The following KHDRBS2 variants were observed in gnomAD, a reference collection of about 807,000 sequenced individuals.
The protein encoded by KHDRBS2 is KH domain-containing, RNA-binding, signal transduction-associated protein 2.
Under a neutral mutation model 44.3 loss-of-function variants are expected in KHDRBS2, and 26 were observed. The observed-to-expected ratio is 0.59, with a 90% CI of 0.43 to 0.81. KHDRBS2 has a LOEUF of 0.81. Ranked by LOEUF, KHDRBS2 falls within the 40% of genes least tolerant of loss-of-function variation. KHDRBS2 has a pLI of 0.00. For synonymous variants in KHDRBS2, 194 were observed against 151.1 expected (o/e 1.28, Z -2.08); for missense variants, 476 against 433.1 (o/e 1.10, Z -0.88).
intron 6 of KHDRBS2, among the ~76,000 whole-genome samples, chr6:61,737,754 C>T (rs1211397290): frequency 1.3e-5 from 2 of 152,056 alleles, no homozygotes; most frequent in East Asian, 1.9e-4. Context: ...ATCCTGAATC[C>T]TAATAAGATT....
intron 3 of KHDRBS2, among the ~76,000 whole-genome samples, chr6:61,980,087 T>C (rs374610066): frequency 1.3e-5 from 2 of 152,134 alleles, no homozygotes; most frequent in East Asian, 3.9e-4. Context: ...CAGCAGTTAA[T>C]TGACCCTACT....
the KHDRBS2 span, among the ~76,000 whole-genome samples, chr6:61,621,533 C>T: frequency 6.6e-6 from 1 of 152,118 alleles, no homozygotes; most frequent in Admixed American, 6.5e-5. Flanking sequence ...GCTCCGGAGA[C>T]ATTTAAATAC....
chr6:61,858,068 T>C (rs1000214632), intron 6 of KHDRBS2, among the ~76,000 whole-genome samples: 6 of 152,080 alleles, frequency 3.9e-5, no homozygotes, highest in South Asian at 2.1e-4. Context: ...ATTGACATCA[T>C]GGTATAGATT....
chr6:61,998,831 A>C (rs534244202), intron 3 of KHDRBS2, among the ~76,000 whole-genome samples: 1 of 152,188 alleles, frequency 6.6e-6, no homozygotes, highest in South Asian at 2.1e-4. Flanking sequence ...TGCTTCAAAC[A>C]TTGACCTTGA....
chr6:61,544,485 A>G, the KHDRBS2 span, among the ~76,000 whole-genome samples: 6 of 152,168 alleles, frequency 3.9e-5, no homozygotes, highest in Admixed American at 1.3e-4. Context: ...CAAATAGCAA[A>G]TAAATAATAA....
chr6:62,229,087 T>G (rs569753370), intron 1 of KHDRBS2, among the ~76,000 whole-genome samples: 40 of 152,240 alleles, frequency 2.6e-4, no homozygotes, highest in Non-Finnish European at 5.7e-4. Context: ...CTGCCTGAAT[T>G]CCTCAGAATT....
intron 8 of KHDRBS2, among the ~76,000 whole-genome samples, chr6:61,695,484 A>G (rs990806865): frequency 3.9e-5 from 6 of 152,146 alleles, no homozygotes; most frequent in African/African-American, 1.4e-4. Context: ...TACTTCTGCA[A>G]TTGCTAATCC....
intron 4 of KHDRBS2, among the ~76,000 whole-genome samples, chr6:61,914,423 A>G (rs1305665266): frequency 1.3e-5 from 2 of 149,818 alleles, no homozygotes; most frequent in Non-Finnish European, 3.0e-5. Context: ...AAAACCAAAC[A>G]CTGCATGTTC....
chr6:61,892,252 G>A (rs1217931577), intron 6 of KHDRBS2, among the ~76,000 whole-genome samples: 1 of 151,994 alleles, frequency 6.6e-6, no homozygotes, highest in African/African-American at 2.4e-5. Flanking sequence ...AAATAAAAGA[G>A]GATACAAACA....
intron 2 of KHDRBS2, among the ~76,000 whole-genome samples, chr6:62,086,774 A>G (rs530711012): frequency 4.6e-5 from 7 of 152,234 alleles, no homozygotes; most frequent in East Asian, 1.9e-4. Context: ...ACATGAGAGG[A>G]GTTTTTCTGA....
rs1795693595 is a variant in KHDRBS2 at position 61,853,133 on chromosome 6, T to C, written c.810+41502A>G. Among the ~76,000 whole-genome samples, 3 of 152,182 alleles carry C rather than the reference T, an allele frequency of 2.0e-5. No individual in the cohort carries two copies. In the South Asian group the frequency reaches 6.2e-4, roughly 31 times the overall value. ...ACATATTTGGCATCTGGTACCAATA[T>C]TTTCCTTGACCTTGGATTCAGCCCT... On this transcript the variant is annotated intron_variant, in intron 6 of 8. Transcript: ENST00000281156.
At chr6:61,636,400 G>C in the KHDRBS2 span, among the ~76,000 whole-genome samples, 1 of 152,018 alleles carries the variant, frequency 6.6e-6, no homozygotes, top group Non-Finnish European at 1.5e-5. Context: ...CTCTGTTCTT[G>C]AAATGCTCTC....
intron 2 of KHDRBS2, among the ~76,000 whole-genome samples, chr6:62,082,333 G>GTGTGTT (rs1212046180): frequency 1.8e-4 from 27 of 151,912 alleles, no homozygotes; most frequent in Non-Finnish European, 2.9e-5. Context: ...GTGTGTGTGT[G>GTGTGTT]TGTGTGAACA....
intron 1 of KHDRBS2, among the ~76,000 whole-genome samples, chr6:62,178,644 T>C (rs1307208631): frequency 6.6e-6 from 1 of 151,570 alleles, no homozygotes; most frequent in Non-Finnish European, 1.5e-5. Context: ...ACTACAGTCA[T>C]CTCATGCAAT....
At chr6:62,104,853 G>A (rs1178363676) in intron 2 of KHDRBS2, among the ~76,000 whole-genome samples, 1 of 152,004 alleles carries the variant, frequency 6.6e-6, no homozygotes, top group African/African-American at 2.4e-5. Context: ...TAACACAACA[G>A]TAGTTCTTAG....
intron 6 of KHDRBS2, among the ~76,000 whole-genome samples, chr6:61,797,767 G>GTA (rs1245327262): frequency 6.1e-5 from 9 of 147,038 alleles, no homozygotes; most frequent in African/African-American, 2.3e-4. Context: ...GTGTGTGTAT[G>GTA]TATATATATC....
At chr6:61,926,396 G>A (rs138679009) in intron 4 of KHDRBS2, among the ~76,000 whole-genome samples, 3 of 152,118 alleles carry the variant, frequency 2.0e-5, no homozygotes, top group African/African-American at 7.2e-5. Flanking sequence ...GGATTACAAA[G>A]GCTTTTTATC....
chr6:61,676,758 T>C (rs1765969089), downstream of KHDRBS2, among the ~76,000 whole-genome samples: 2 of 151,804 alleles, frequency 1.3e-5, no homozygotes, highest in South Asian at 4.1e-4. Flanking sequence ...AGAGGTCCTC[T>C]CTGTGTTCCA....
chr6:62,061,213 A>T (rs1298021533), intron 2 of KHDRBS2, among the ~76,000 whole-genome samples: 1 of 150,746 alleles, frequency 6.6e-6, no homozygotes, highest in East Asian at 2.0e-4. Flanking sequence ...TGATCCTGTC[A>T]TTATGATGTT....
Sources: gnomAD v4.1 joint callset for allele counts (sites outside exome capture counted in the v4.1 genomes callset) on GRCh38, gnomAD v4.1.1 for gene constraint, MANE v1.5 for transcripts, NCBI Gene and HGNC (gene_info 2026-07-23, HGNC 2026-07-21) for gene names.